TTC28: variants seen among roughly 807,000 people sequenced by gnomAD.
The protein encoded by TTC28 is tetratricopeptide repeat domain 28, also known as tetratricopeptide repeat protein 28.
TTC28 carries 61 observed loss-of-function variants against 198.0 expected under a neutral mutation model. The ratio of observed to expected loss-of-function variants is 0.31; its 90% CI spans 0.25 to 0.38. TTC28 has a LOEUF of 0.38. Ranked by LOEUF, TTC28 falls within the 10% of genes least tolerant of loss-of-function variation. The pLI, the probability that TTC28 is intolerant of heterozygous loss-of-function variation, is 1.00. For missense variants in TTC28, 2,678 were observed against 3,164.0 expected (o/e 0.85, Z 3.69); for synonymous variants, 1,171 against 1,297.8 (o/e 0.90, Z 2.10).
rs1601734671 is a variant in TTC28, at chr22:28,390,581, C to T, written c.382-83938G>A. Among the ~76,000 whole-genome samples the T allele has an allele frequency of 2.6e-5, 4 of 152,226 alleles. No individual in the cohort carries two copies. In the East Asian group the frequency reaches 7.7e-4, roughly 29 times the overall value. ...GTTAGCCCTTCTTGTTGAATTGATC[C>T]CTTTACCATTATGTAATGGCCTTCT... is the stretch of plus-strand genomic sequence containing the variant. On this transcript the variant is annotated intron_variant, in intron 2 of 22. Transcript: ENST00000397906.
intron 12 of TTC28, among the ~76,000 whole-genome samples, chr22:28,078,111 A>T (rs956721429): frequency 6.6e-6 from 1 of 152,236 alleles, no homozygotes; most frequent in Non-Finnish European, 1.5e-5. Context: ...GGAAGTTCTT[A>T]TTAAACACTT....
At chr22:28,437,327 C>T (rs539310762) in intron 2 of TTC28, among the ~76,000 whole-genome samples, 5 of 152,224 alleles carry the variant, frequency 3.3e-5, no homozygotes, top group South Asian at 2.1e-4. Context: ...AAGTGATCCA[C>T]GCGCCTCAGC....
intron 5 of TTC28, among the ~76,000 whole-genome samples, chr22:28,253,874 G>A (rs1466421710): frequency 2.0e-5 from 3 of 152,040 alleles, no homozygotes; most frequent in Non-Finnish European, 4.4e-5. Context: ...GGAGGCCAAG[G>A]TGGGTGGATC....
intron 2 of TTC28, among the ~76,000 whole-genome samples, chr22:28,501,511 C>T (rs2048537985): frequency 1.3e-5 from 2 of 151,982 alleles, no homozygotes; most frequent in African/African-American, 2.4e-5. Context: ...GAATGTCATT[C>T]CAATGAAAAA....
At chr22:28,425,573 G>A (rs1228682744) in intron 2 of TTC28, among the ~76,000 whole-genome samples, 1 of 152,188 alleles carries the variant, frequency 6.6e-6, no homozygotes. Context: ...GATACATTGT[G>A]TGTAATGAAA....
intron 6 of TTC28, among the ~76,000 whole-genome samples, chr22:28,135,631 G>C (rs1943181254): frequency 6.6e-6 from 1 of 152,186 alleles, no homozygotes; most frequent in Admixed American, 6.5e-5. Context: ...GTGGTGGGGG[G>C]AAAGTCAGAT....
intron 13 of TTC28, among the ~76,000 whole-genome samples, chr22:28,024,238 A>T (rs1601528574): frequency 6.6e-6 from 1 of 152,158 alleles, no homozygotes; most frequent in East Asian, 1.9e-4. Flanking sequence ...GAAGTTTTAG[A>T]GAAGGCAGAA....
intron 2 of TTC28, among the ~76,000 whole-genome samples, chr22:28,617,937 C>T (rs761398378): frequency 4.6e-5 from 7 of 152,170 alleles, no homozygotes; most frequent in Admixed American, 2.6e-4. Context: ...TCAGTTGAGT[C>T]GGCCCAGTCC....
Position 28,226,722 on chromosome 22 carries a change from C to T in TTC28, c.934-63123G>A, listed in dbSNP as rs1032604304. Among the ~76,000 whole-genome samples the T allele has an allele frequency of 1.4e-4, 21 of 152,134 alleles. 1 individual carries two copies. Among genetic ancestry groups the T allele is most frequent in the Admixed American group, 1.1e-3 (17 of 15,272 alleles). On this transcript the variant is annotated intron_variant, in intron 5 of 22. Coordinates refer to ENST00000397906, the MANE Select transcript of TTC28 (RefSeq NM_001145418.2). ...GGATTAGAGACGTGACCACTGCACC[C>T]GGCTGATGTTGAGCATTTTTTAATG...
chr22:28,458,122 G>A (rs919353079), intron 2 of TTC28, among the ~76,000 whole-genome samples: 1 of 151,870 alleles, frequency 6.6e-6, no homozygotes, highest in Non-Finnish European at 1.5e-5. Context: ...GGATTTACTA[G>A]GTATAAAATA....
Position 28,105,592 on chromosome 22 carries a change from G to A in TTC28, c.2994C>T (p.Asp998=), listed in dbSNP as rs189318371. ...RDMKDRALES[D]AACGLGGVYQ... ...AAACGCCCCCCAGGCCACAGGCTGC[G>A]TCACTCTCCAGGGCTCGGTCTTTCA... The change falls in exon 8 of 23, where the codon GAC becomes GAT. Residue 998 remains aspartate (D), a synonymous_variant. Coordinates refer to ENST00000397906, the MANE Select transcript of TTC28 (RefSeq NM_001145418.2). The A allele has an allele frequency of 7.4e-3, 11,512 of 1,551,810 alleles. 80 individuals carry two copies. Among genetic ancestry groups the A allele is most frequent in the Middle Eastern group, 0.021 (128 of 5,992 alleles).
intron 2 of TTC28, among the ~76,000 whole-genome samples, chr22:28,472,866 A>C (rs1426396135): frequency 6.6e-6 from 1 of 152,188 alleles, no homozygotes; most frequent in African/African-American, 2.4e-5. Flanking sequence ...CAGAACACTG[A>C]AAATCTTACA....
intron 2 of TTC28, among the ~76,000 whole-genome samples, chr22:28,420,115 T>C (rs2047225561): frequency 6.6e-6 from 1 of 152,226 alleles, no homozygotes; most frequent in Non-Finnish European, 1.5e-5. Flanking sequence ...AGATGACTGC[T>C]GATTGACAGA....
intron 2 of TTC28, among the ~76,000 whole-genome samples, chr22:28,501,636 A>G (rs1568982899): frequency 1.3e-5 from 2 of 152,230 alleles, no homozygotes; most frequent in African/African-American, 2.4e-5. Flanking sequence ...CATTCTAGGC[A>G]TGTAACAAAA....
intron 5 of TTC28, among the ~76,000 whole-genome samples, chr22:28,232,456 A>G (rs1171888953): frequency 6.6e-6 from 1 of 152,222 alleles, no homozygotes. Flanking sequence ...CTTGACAGAG[A>G]GACCCTAGGT....
chr22:28,237,954 A>G (rs1929371136), intron 5 of TTC28, among the ~76,000 whole-genome samples: 1 of 152,116 alleles, frequency 6.6e-6, no homozygotes, highest in East Asian at 1.9e-4. Flanking sequence ...TATTGCTTCT[A>G]ATGAGAAGTC....
intron 2 of TTC28, among the ~76,000 whole-genome samples, chr22:28,510,058 G>A (rs1005252857): frequency 6.6e-6 from 1 of 152,026 alleles, no homozygotes; most frequent in Admixed American, 6.5e-5. Context: ...ACCAAAAAAA[G>A]CCCATGACCA....
At chr22:28,049,538 T>C (rs1303418198) in intron 12 of TTC28, among the ~76,000 whole-genome samples, 2 of 152,146 alleles carry the variant, frequency 1.3e-5, no homozygotes, top group Non-Finnish European at 2.9e-5. Context: ...AGAGGACTAG[T>C]GCTCTAGGAG....
At chr22:28,436,914 A>C (rs1391663521) in intron 2 of TTC28, among the ~76,000 whole-genome samples, 3 of 152,198 alleles carry the variant, frequency 2.0e-5, no homozygotes, top group Non-Finnish European at 4.4e-5. Flanking sequence ...TAATTGTTTA[A>C]GGTGGATATT....
Sources: allele counts gnomAD v4.1 joint callset (sites outside exome capture counted in the v4.1 genomes callset), GRCh38; gene constraint gnomAD v4.1.1; transcripts MANE v1.5; gene names NCBI Gene and HGNC (gene_info 2026-07-23, HGNC 2026-07-21).